The following TEX11 variants were observed in gnomAD, a reference collection of about 807,000 sequenced individuals.
The protein encoded by TEX11 is testis-expressed protein 11.
Under a neutral mutation model 84.4 loss-of-function variants are expected in TEX11, and 7 were observed. The observed-to-expected ratio is 0.08, with a 90% CI of 0.05 to 0.16. The LOEUF (loss-of-function observed/expected upper bound fraction) is 0.16, where lower values mean the gene tolerates loss of function less well. TEX11 is among the 10% of genes least tolerant of loss of function. The pLI, the probability that TEX11 is intolerant of heterozygous loss-of-function variation, is 1.00. For missense variants in TEX11, 551 were observed against 660.5 expected (o/e 0.83, Z 1.82); for synonymous variants, 264 against 222.8 (o/e 1.18, Z -1.64).
chrX:70,653,086 T>A (rs938483335), intron 16 of TEX11, among the ~76,000 whole-genome samples: 1 of 111,775 alleles, frequency 8.9e-6, no homozygotes, highest in African/African-American at 3.2e-5. Context: ...ACCCAAACTA[T>A]AAAACTTTTA....
intron 9 of TEX11, among the ~76,000 whole-genome samples, chrX:70,806,282 C>G (rs2091219052): frequency 1.8e-5 from 2 of 110,868 alleles, no homozygotes; most frequent in Non-Finnish European, 3.8e-5. Flanking sequence ...TGGCGAAACC[C>G]CTTCTCTACC....
At chrX:70,538,076 T>C (rs1360608623) in intron 28 of TEX11, among the ~76,000 whole-genome samples, 1 of 111,433 alleles carries the variant, frequency 9.0e-6, no homozygotes, top group Non-Finnish European at 1.9e-5. Flanking sequence ...AAATTCGTAG[T>C]GAGGGACACG....
Position 70,744,194 on chromosome X carries a change from C to T in TEX11, c.718G>A (p.Asp240Asn), listed in dbSNP as rs757383142. The T allele has an allele frequency of 9.7e-7, 1 of 1,031,740 alleles. No homozygotes were observed. The highest frequency in any genetic ancestry group is 1.3e-6 in the Non-Finnish European group (1 of 799,153). 85.0% of individuals were successfully genotyped at this position (1,031,740 alleles called of 1,213,427 possible). ...LSQSYDIGKM[D>N]KKSTGPEMLA... ...ATTTCTGGCCCAGTAGATTTCTTAT[C>T]CATCTTCCCAATATCATAGCTTTGG... Residue 240 changes from aspartate (D) to asparagine (N), a missense_variant, in exon 10 of 30, where the codon GAT becomes AAT. Physicochemically the swap from Asp to Asn is conservative, Grantham distance 23 (BLOSUM62 1). Coordinates refer to ENST00000374333, the MANE Select transcript of TEX11 (RefSeq NM_031276.3).
At chrX:70,873,829 A>G (rs2091641866) in intron 3 of TEX11, among the ~76,000 whole-genome samples, 1 of 112,056 alleles carries the variant, frequency 8.9e-6, no homozygotes, top group Non-Finnish European at 1.9e-5. Context: ...TTTCTCACTT[A>G]CCATTTCACA....
intron 25 of TEX11, among the ~76,000 whole-genome samples, chrX:70,583,364 G>A (rs771199978): frequency 1.8e-5 from 2 of 111,566 alleles, no homozygotes; most frequent in South Asian, 7.5e-4. Context: ...AGTATTTGAC[G>A]TTCTGGTTCT....
At chrX:70,514,689 T>C in the TEX11 span, among the ~76,000 whole-genome samples, 1 of 110,716 alleles carries the variant, frequency 9.0e-6, no homozygotes. Flanking sequence ...ATACTCCTGA[T>C]GCACATCACA....
intron 13 of TEX11, among the ~76,000 whole-genome samples, chrX:70,720,383 G>T (rs1332466104): frequency 9.0e-6 from 1 of 110,717 alleles, no homozygotes; most frequent in African/African-American, 3.3e-5. Flanking sequence ...GTGGGAGAAG[G>T]GGGTAGGGAT....
chrX:70,788,495 C>T (rs2091093412), intron 9 of TEX11, among the ~76,000 whole-genome samples: 2 of 110,439 alleles, frequency 1.8e-5, no homozygotes, highest in Admixed American at 1.9e-4. Context: ...TTCTCTCCCA[C>T]CACGTACAAA....
intron 14 of TEX11, among the ~76,000 whole-genome samples, chrX:70,679,179 G>A (rs957670114): frequency 2.2e-3 from 243 of 112,950 alleles, no homozygotes; most frequent in Non-Finnish European, 3.9e-3. Context: ...AACCGCGAGT[G>A]ATCCGCCAGC....
intron 7 of TEX11, among the ~76,000 whole-genome samples, chrX:70,851,064 G>C (rs1255483148): frequency 8.9e-6 from 1 of 111,811 alleles, no homozygotes; most frequent in African/African-American, 3.3e-5. Flanking sequence ...CAAAATTCCA[G>C]CTGGCTTCTG....
chrX:70,828,130 C>T (rs73213082), intron 8 of TEX11, among the ~76,000 whole-genome samples: 13,897 of 110,194 alleles, frequency 0.13, 765 homozygotes, highest in Middle Eastern at 0.26. Flanking sequence ...ATGAGCAAGC[C>T]TAGATTGAGA....
At chrX:70,615,808 G>A (rs2089311333) in intron 20 of TEX11, among the ~76,000 whole-genome samples, 3 of 112,125 alleles carry the variant, frequency 2.7e-5, no homozygotes, top group Non-Finnish European at 5.6e-5. Flanking sequence ...AACATACAAT[G>A]GCGTTGCAAT....
At chrX:70,730,633 A>G (rs376207965) in intron 11 of TEX11, among the ~76,000 whole-genome samples, 10 of 111,735 alleles carry the variant, frequency 8.9e-5, no homozygotes, top group South Asian at 3.8e-4. Flanking sequence ...CCCAATACAG[A>G]AGCACCCAGA....
At position 70,555,851 on chromosome X, in the gene TEX11, G is replaced by A. The variant is rs200791916; in HGVS notation, c.2141-1051C>T. Among the ~76,000 whole-genome samples the A allele has an allele frequency of 2.7e-5, 3 of 111,766 alleles. No homozygotes were observed. In the East Asian group the frequency reaches 8.4e-4, roughly 31 times the overall value. ...ATAGGAGTATATATTTCTTCTTGAG[G>A]GAGCTTTGGTAGTTTGTGACTTTCA... On this transcript the variant is annotated intron_variant, in intron 25 of 29. Coordinates refer to ENST00000374333, the MANE Select transcript of TEX11 (RefSeq NM_031276.3).
intron 13 of TEX11, among the ~76,000 whole-genome samples, chrX:70,690,660 T>G (rs1348416634): frequency 9.0e-6 from 1 of 111,410 alleles, no homozygotes; most frequent in Non-Finnish European, 1.9e-5. Flanking sequence ...GAGCTACAAT[T>G]GCACTCCAGC....
intron 9 of TEX11, among the ~76,000 whole-genome samples, chrX:70,782,668 AG>A (rs1213246468): frequency 3.9e-5 from 4 of 101,386 alleles, no homozygotes; most frequent in Non-Finnish European, 8.0e-5. Flanking sequence ...AAAAAAAAAC[AG>A]GGGTTGCAAT....
At chrX:70,534,461 A>G (rs1477745721) in intron 28 of TEX11, among the ~76,000 whole-genome samples, 1 of 111,781 alleles carries the variant, frequency 8.9e-6, no homozygotes, top group Non-Finnish European at 1.9e-5. Context: ...AGTTGCCCTC[A>G]TGCCCAGCAT....
At chrX:70,668,159 G>GA (rs963865992) in intron 16 of TEX11, among the ~76,000 whole-genome samples, 4 of 111,001 alleles carry the variant, frequency 3.6e-5, no homozygotes, top group Admixed American at 9.5e-5. Context: ...CTTAAGGACA[G>GA]AAAAAAAATG....
At chrX:70,722,137 G>T (rs1433896998) in intron 13 of TEX11, among the ~76,000 whole-genome samples, 2 of 111,861 alleles carry the variant, frequency 1.8e-5, no homozygotes, top group East Asian at 5.7e-4. Context: ...AGAAATACAG[G>T]GTCTAAAACA....
Sources: gnomAD v4.1 joint callset for allele counts (sites outside exome capture counted in the v4.1 genomes callset) on GRCh38, gnomAD v4.1.1 for gene constraint, MANE v1.5 for transcripts, NCBI Gene and HGNC (gene_info 2026-07-23, HGNC 2026-07-21) for gene names.